The following ZNF146 variants were observed in gnomAD, a reference collection of about 807,000 sequenced individuals.
ZNF146 encodes zinc finger protein OZF.
Under a neutral mutation model 22.2 loss-of-function variants are expected in ZNF146, and 9 were observed. The ratio of observed to expected loss-of-function variants is 0.41; its 90% confidence interval spans 0.24 to 0.71. The LOEUF is 0.71. Among genes scored for constraint, ZNF146 ranks in the 30% least tolerant of loss-of-function variants. ZNF146 has a pLI of 0.34. For synonymous variants in ZNF146, 108 were observed against 119.2 expected, an observed-to-expected ratio of 0.91 and a Z score of 0.61; for missense variants, 194 against 344.8, an observed-to-expected ratio of 0.56 and a Z score of 3.46.
intron 2 of ZNF146, among the ~76,000 whole-genome samples, chr19:36,222,811 G>C (rs531824209): frequency 4.8e-5 from 5 of 104,082 alleles, no homozygotes; most frequent in Non-Finnish European, 9.7e-5. Flanking sequence ...GTTTTCATTT[G>C]CATTTGGACA....
chr19:36,225,752 CTTTTTTTTT>C (rs67760026), intron 2 of ZNF146, among the ~76,000 whole-genome samples: 1 of 66,726 alleles, frequency 1.5e-5, no homozygotes, highest in African/African-American at 6.0e-5. Context: ...CTTTGTGATT[CTTTTTTTTT>C]TTTTTTTTTT....
chr19:36,233,979 A>G (rs1158348295), intron 3 of ZNF146, among the ~76,000 whole-genome samples: 1 of 152,102 alleles, frequency 6.6e-6, no homozygotes, highest in Non-Finnish European at 1.5e-5. Flanking sequence ...AGACTATCAC[A>G]TGGGGAGAAA....
Position 36,237,881 on chromosome 19 carries a change from C to T in ZNF146, c.*562C>T, listed in dbSNP as rs775299666. 1 of 166,970 alleles carries T rather than the reference C, an allele frequency of 6.0e-6. No individual in the cohort carries two copies. The highest frequency in any genetic ancestry group is 6.5e-5 in the Admixed American group (1 of 15,280). 10.3% of individuals were successfully genotyped at this position (166,970 alleles called of 1,614,324 possible). A position where few individuals can be genotyped will look rare whatever the true frequency, so the allele number is the denominator to read the frequency against. On this transcript the variant is annotated 3_prime_UTR_variant, in exon 4 of 4. Coordinates refer to ENST00000443387, the MANE Select transcript of ZNF146 (RefSeq NM_007145.3). Reference sequence around the variant, plus strand: ...CCAAGGGGGAAAAATAGACCATGAACTATACACAAAAGTGAATCCAGAGAT... The same window carrying T: ...CCAAGGGGGAAAAATAGACCATGAATTATACACAAAAGTGAATCCAGAGAT...
At chr19:36,226,473 A>G (rs981557008) in intron 2 of ZNF146, among the ~76,000 whole-genome samples, 5 of 152,216 alleles carry the variant, frequency 3.3e-5, no homozygotes, top group African/African-American at 4.8e-5. Context: ...GAAGAGTTGG[A>G]ATAGTACAGA....
intron 3 of ZNF146, among the ~76,000 whole-genome samples, chr19:36,234,416 T>G (rs1353576631): frequency 6.6e-6 from 1 of 152,220 alleles, no homozygotes; most frequent in African/African-American, 2.4e-5. Flanking sequence ...CCTTAGAAGA[T>G]TAACCATGTT....
Position 36,237,309 on chromosome 19 carries a change from A to G in ZNF146, c.869A>G (p.His290Arg). Residue 290 changes from histidine to arginine, a missense_variant, in exon 4 of 4, where the codon CAT becomes CGT. This residue lies in a region of ZNF146 where 147 missense variants were observed against 300.1 expected (regional missense o/e 0.49). Transcript: ENST00000443387. ...CACCACATTAGACACCAGAAAATTC[A>G]TACTCACTAAAAACCCCATGAAAGC... is the stretch of plus-strand genomic sequence containing the variant. Reference protein sequence around the residue: ...KSHHIRHQKIHTH With the variant: ...KSHHIRHQKIRTH 1 of 1,602,992 alleles carries G rather than the reference A, an allele frequency of 6.2e-7. No homozygotes were observed. Among genetic ancestry groups the G allele is most frequent in the Non-Finnish European group, 8.5e-7 (1 of 1,174,476 alleles).
chr19:36,228,786 A>G lies in ZNF146; in HGVS notation c.-816A>G, dbSNP rs181834385. ...CTGTTGAAGCAAGAAGACAAACTGT[A>G]TGGTGGAGAAAGAAGTGGGAAGGAT... On this transcript the variant is annotated 5_prime_UTR_variant, in exon 3 of 4. An upstream start codon of the reference 5' UTR is lost. Coordinates refer to ENST00000443387, the MANE Select transcript of ZNF146 (RefSeq NM_007145.3). The G allele has an allele frequency of 6.6e-6, 1 of 152,402 alleles. No individual in the cohort carries two copies. Among genetic ancestry groups the G allele is most frequent in the Non-Finnish European group, 1.5e-5 (1 of 68,090 alleles). 9.4% of individuals were successfully genotyped at this position (152,402 alleles called of 1,614,324 possible). A position where few individuals can be genotyped will look rare whatever the true frequency, so the allele number is the denominator to read the frequency against.
At chr19:36,219,874 C>CT (rs1264735433) in intron 2 of ZNF146, among the ~76,000 whole-genome samples, 4 of 152,162 alleles carry the variant, frequency 2.6e-5, no homozygotes, top group Non-Finnish European at 5.9e-5. Flanking sequence ...CTTAATTTCT[C>CT]TTGTCTTTTC....
chr19:36,221,285 T>TC (rs386388944), intron 2 of ZNF146, among the ~76,000 whole-genome samples: 68 of 65,540 alleles, frequency 1.0e-3, no homozygotes, highest in Admixed American at 2.5e-3. Context: ...AAGGGACTGC[T>TC]TTTTTTTTTT....
chr19:36,214,966 G>A (rs944671797), upstream of ZNF146: 3 of 152,560 alleles, frequency 2.0e-5, no homozygotes, highest in African/African-American at 7.2e-5. Flanking sequence ...GACCAGTAAA[G>A]CCTCAAGGGA....
At chr19:36,227,261 T>C (rs1043739490) in intron 2 of ZNF146, among the ~76,000 whole-genome samples, 4 of 151,298 alleles carry the variant, frequency 2.6e-5, no homozygotes, top group Non-Finnish European at 5.9e-5. Flanking sequence ...TAGTGGCGCA[T>C]GCCTGTAATC....
intron 2 of ZNF146, among the ~76,000 whole-genome samples, chr19:36,223,652 C>T (rs1199985275): frequency 2.8e-5 from 4 of 144,706 alleles, no homozygotes; most frequent in South Asian, 2.3e-4. Flanking sequence ...CGTGAGCCAC[C>T]GCGCGTGGCT....
chr19:36,233,231 A>G (rs1208219032), intron 3 of ZNF146, among the ~76,000 whole-genome samples: 1 of 152,098 alleles, frequency 6.6e-6, no homozygotes, highest in African/African-American at 2.4e-5. Flanking sequence ...AAAAATACAA[A>G]AATTAGGCGT....
chr19:36,227,096 AT>A (rs60662850), intron 2 of ZNF146, among the ~76,000 whole-genome samples: 1,828 of 148,660 alleles, frequency 0.012, 34 homozygotes, highest in African/African-American at 0.042. Context: ...AAAAAAAAAA[AT>A]TTTTTTTTTG....
rs1568437694 is a variant in ZNF146 at position 36,236,512 on chromosome 19, C to G, written c.72C>G (p.Val24=). The G allele has an allele frequency of 6.2e-7, 1 of 1,614,172 alleles. No individual in the cohort carries two copies. Among genetic ancestry groups the G allele is most frequent in the South Asian group, 1.1e-5 (1 of 91,074 alleles). ...TTGCCTGTAAGGTATGTGGAAAAGT[C>G]TTCAGCCACAAATCAAACCTCACTG... ...NPFACKVCGK[V]FSHKSNLTEH... Residue 24 remains valine, a synonymous_variant, in exon 4 of 4, where the codon GTC becomes GTG. Coordinates refer to ENST00000443387, the MANE Select transcript of ZNF146 (RefSeq NM_007145.3).
chr19:36,225,810 G>C (rs1599971231), intron 2 of ZNF146, among the ~76,000 whole-genome samples: 1 of 142,050 alleles, frequency 7.0e-6, no homozygotes, highest in East Asian at 2.1e-4. Flanking sequence ...ACCCAGGCTG[G>C]AGCACAGTGG....
intron 2 of ZNF146, among the ~76,000 whole-genome samples, chr19:36,219,025 G>A (rs898444089): frequency 6.6e-6 from 1 of 151,204 alleles, no homozygotes; most frequent in Non-Finnish European, 1.5e-5. Context: ...AGCCAGGATG[G>A]TCTCCATCTC....
intron 2 of ZNF146, among the ~76,000 whole-genome samples, chr19:36,220,310 TAAATGG>T (rs1568429026): frequency 3.3e-5 from 5 of 150,582 alleles, no homozygotes; most frequent in East Asian, 2.0e-4. Context: ...TAATTCACTT[TAAATGG>T]TATAGTATTT....
intron 3 of ZNF146, among the ~76,000 whole-genome samples, chr19:36,232,655 C>G (rs1233289832): frequency 6.7e-6 from 1 of 148,370 alleles, no homozygotes. Flanking sequence ...GTCACCCAGG[C>G]TGGAGTGCAG....
Sources: gnomAD v4.1 joint callset for allele counts (sites outside exome capture counted in the v4.1 genomes callset) on GRCh38, gnomAD v4.1.1 for gene constraint, gnomAD v4.1.1 regional missense constraint, MANE v1.5 for transcripts, NCBI Gene and HGNC (gene_info 2026-07-23, HGNC 2026-07-21) for gene names.